Variants in COL19A1 observed in about 807,000 individuals in gnomAD.
COL19A1 encodes collagen alpha-1(XIX) chain.
COL19A1 carries 159 observed loss-of-function variants against 190.2 expected under a neutral mutation model. The ratio of observed to expected loss-of-function variants is 0.84; its 90% CI spans 0.73 to 0.95. COL19A1 has a LOEUF of 0.95. COL19A1 is among the 40% of genes least tolerant of loss of function. The pLI is 0.00. For synonymous variants in COL19A1, 509 were observed against 458.9 expected, an observed-to-expected ratio of 1.11 and a Z score of -1.39; for missense variants, 1,418 against 1,431.9, an observed-to-expected ratio of 0.99 and a Z score of 0.16.
chr6:69,940,375 A>T (rs1418374330), intron 9 of COL19A1, among the ~76,000 whole-genome samples: 1 of 152,140 alleles, frequency 6.6e-6, no homozygotes, highest in African/African-American at 2.4e-5. Flanking sequence ...ATAATAAAAT[A>T]CAGGGCCTGC....
At chr6:70,047,686 T>C (rs1779984310) in intron 14 of COL19A1, among the ~76,000 whole-genome samples, 1 of 152,148 alleles carries the variant, frequency 6.6e-6, no homozygotes, top group South Asian at 2.1e-4. Flanking sequence ...TCACAAATTG[T>C]GTATGTTCTA....
intron 48 of COL19A1, among the ~76,000 whole-genome samples, chr6:70,193,664 C>G (rs1767015579): frequency 6.6e-6 from 1 of 152,040 alleles, no homozygotes; most frequent in Non-Finnish European, 1.5e-5. Context: ...CTTCTAAACT[C>G]TAAGACTCCA....
chr6:69,902,110 T>A (rs1224022745), intron 4 of COL19A1, among the ~76,000 whole-genome samples: 5 of 152,212 alleles, frequency 3.3e-5, no homozygotes, highest in Non-Finnish European at 5.9e-5. Context: ...GGTATCTGGT[T>A]GAGCTGCCCA....
intron 4 of COL19A1, among the ~76,000 whole-genome samples, chr6:69,922,186 G>A (rs562879898): frequency 6.6e-6 from 1 of 151,678 alleles, no homozygotes; most frequent in East Asian, 1.9e-4. Flanking sequence ...TCTTCAAATA[G>A]CATAATCTTG....
In COL19A1 at chr6:70,207,740, A is replaced by G. The variant is rs1490524579; in HGVS notation, c.*466A>G. ...CTCGTCAACTTTTTTGATATAGTGC[A>G]TTGCTCCTGTTGAATGTTTTTTGAC... is the stretch of plus-strand genomic sequence containing the variant. On this transcript the variant is annotated 3_prime_UTR_variant, in exon 51 of 51. Coordinates refer to ENST00000620364, the MANE Select transcript of COL19A1 (RefSeq NM_001858.6). 6.6e-6 allele frequency: 1 copy of G among 152,242 alleles called. No homozygotes were observed. Among genetic ancestry groups the G allele is most frequent in the African/African-American group, 2.4e-5 (1 of 41,426 alleles). The allele number at this position is 152,242 out of a possible 1,614,324, so 9.4% of individuals were successfully genotyped here.
At chr6:70,154,604 C>G (rs893697572) in intron 31 of COL19A1, among the ~76,000 whole-genome samples, 1 of 152,102 alleles carries the variant, frequency 6.6e-6, no homozygotes, top group Non-Finnish European at 1.5e-5. Flanking sequence ...AGAATTGACT[C>G]ATGTGATTAC....
chr6:70,003,457 A>C (rs1484880106), intron 11 of COL19A1, among the ~76,000 whole-genome samples: 2 of 152,094 alleles, frequency 1.3e-5, no homozygotes, highest in East Asian at 3.9e-4. Context: ...TCTGTCTAAT[A>C]TTGACAGTGG....
intron 11 of COL19A1, among the ~76,000 whole-genome samples, chr6:70,000,681 T>C (rs1417025092): frequency 6.6e-6 from 1 of 152,256 alleles, no homozygotes; most frequent in African/African-American, 2.4e-5. Flanking sequence ...GAGAAGTGTC[T>C]GTTCATATCC....
Position 70,171,951 on chromosome 6 carries a change from T to G in COL19A1, c.2569-13T>G. On this transcript the variant is annotated splice_polypyrimidine_tract_variant and intron_variant, in intron 40 of 50. Transcript: ENST00000620364. ...ATTATTGCTCCTGCATTTCTTATGT[T>G]CATATTTAACAGGGAGAGCCTGGTG... is the stretch of plus-strand genomic sequence containing the variant. 1 of 1,612,306 alleles carries G rather than the reference T, an allele frequency of 6.2e-7. No homozygotes were observed. The highest frequency in any genetic ancestry group is 8.5e-7 in the Non-Finnish European group (1 of 1,179,080).
intron 9 of COL19A1, among the ~76,000 whole-genome samples, chr6:69,941,534 TATC>T (rs1384369646): frequency 4.4e-4 from 67 of 152,156 alleles, no homozygotes; most frequent in South Asian, 2.1e-4. Flanking sequence ...AATGTTGAGT[TATC>T]ATCACATGCT....
intron 44 of COL19A1, among the ~76,000 whole-genome samples, chr6:70,182,967 C>T (rs924546052): frequency 3.3e-5 from 5 of 151,984 alleles, no homozygotes; most frequent in Non-Finnish European, 7.4e-5. Context: ...TGAAGATTGA[C>T]GCAACTGGTG....
chr6:69,984,674 GT>G (rs1178854139), intron 11 of COL19A1, among the ~76,000 whole-genome samples: 1 of 152,072 alleles, frequency 6.6e-6, no homozygotes, highest in Non-Finnish European at 1.5e-5. Flanking sequence ...TTGCCTCCTA[GT>G]TTTTTCACAA....
chr6:70,158,081 G>T (rs900330802), intron 34 of COL19A1, among the ~76,000 whole-genome samples: 1 of 152,092 alleles, frequency 6.6e-6, no homozygotes. Context: ...GGGAGTTCCA[G>T]CAAGTTCAGG....
intron 14 of COL19A1, among the ~76,000 whole-genome samples, chr6:70,046,911 A>G (rs1335192439): frequency 6.6e-6 from 1 of 152,192 alleles, no homozygotes; most frequent in Non-Finnish European, 1.5e-5. Flanking sequence ...CAACTGGGTT[A>G]TTAACAACAA....
intron 12 of COL19A1, among the ~76,000 whole-genome samples, chr6:70,033,487 A>G (rs1779181632): frequency 1.3e-5 from 2 of 152,098 alleles, no homozygotes; most frequent in South Asian, 4.1e-4. Context: ...GTGTCTATCT[A>G]ACTTTCTACG....
At chr6:69,981,384 A>G (rs1380063436) in intron 11 of COL19A1, among the ~76,000 whole-genome samples, 1 of 152,188 alleles carries the variant, frequency 6.6e-6, no homozygotes, top group Non-Finnish European at 1.5e-5. Flanking sequence ...ATGATGAGGG[A>G]GAAAATAAAA....
chr6:70,170,570 GTTGA>G (rs1296664324), intron 40 of COL19A1, among the ~76,000 whole-genome samples: 7 of 151,918 alleles, frequency 4.6e-5, no homozygotes, highest in African/African-American at 1.2e-4. Flanking sequence ...TTCAACAAAT[GTTGA>G]TTGATTGAGC....
chr6:70,109,324 A>G lies in COL19A1; in HGVS notation c.1278+7102A>G, dbSNP rs569603004. Among the ~76,000 whole-genome samples the G allele has an allele frequency of 3.9e-5, 6 of 152,242 alleles. 1 individual carries two copies. The South Asian group carries it at 1.2e-3, about 32-fold the overall frequency. On this transcript the variant is annotated intron_variant, in intron 16 of 50. Transcript: ENST00000620364. Reference sequence around the variant, plus strand: ...GTAAGGGCCAGAGCAAGAACTTTCCAAACAGAAATATCAGGACTTGCAAAG... The same window carrying G: ...GTAAGGGCCAGAGCAAGAACTTTCCGAACAGAAATATCAGGACTTGCAAAG...
intron 48 of COL19A1, among the ~76,000 whole-genome samples, chr6:70,197,414 C>T (rs964514200): frequency 6.6e-6 from 1 of 151,812 alleles, no homozygotes; most frequent in Non-Finnish European, 1.5e-5. Flanking sequence ...CAGAGTGAGA[C>T]TCTATCTCAA....
Sources: allele counts gnomAD v4.1 joint callset (sites outside exome capture counted in the v4.1 genomes callset), GRCh38; gene constraint gnomAD v4.1.1; transcripts MANE v1.5; gene names NCBI Gene and HGNC (gene_info 2026-07-23, HGNC 2026-07-21).